The following STX7 variants were observed in gnomAD, a reference collection of about 807,000 sequenced individuals.
The protein encoded by STX7 is syntaxin-7.
STX7 carries 34 observed loss-of-function variants against 39.6 expected under a neutral mutation model. The ratio of observed to expected loss-of-function variants is 0.86; its 90% CI spans 0.65 to 1.14. STX7 has a LOEUF of 1.14. Ranked by LOEUF, STX7 falls within the 50% of genes most tolerant of loss-of-function variation. STX7 has a pLI of 0.00. For missense variants in STX7, 284 were observed against 310.4 expected, an observed-to-expected ratio of 0.92 and a Z score of 0.64; for synonymous variants, 119 against 99.1, an observed-to-expected ratio of 1.20 and a Z score of -1.19.
At chr6:132,468,061 A>G (rs543494253) in intron 8 of STX7, among the ~76,000 whole-genome samples, 1 of 152,328 alleles carries the variant, frequency 6.6e-6, no homozygotes, top group East Asian at 1.9e-4. Context: ...AGTGCTTAGC[A>G]TGATGACAAA....
In STX7 at chr6:132,510,685, T is replaced by C. The variant is rs144902120; in HGVS notation, c.-59+2322A>G. On this transcript the variant is annotated intron_variant, in intron 1 of 9. Transcript: ENST00000367941. The stretch of plus-strand genomic sequence containing the variant: ...GCTCATTCATAGACCACTTCCATTA[T>C]CACAGAAAGATCTATTGCACAGTGC... Among the ~76,000 whole-genome samples the C allele has an allele frequency of 8.1e-4, 123 of 152,298 alleles. 1 individual carries two copies. Among genetic ancestry groups the C allele is most frequent in the African/African-American group, 2.6e-3 (110 of 41,568 alleles).
chr6:132,498,404 A>G (rs774456060), intron 2 of STX7, among the ~76,000 whole-genome samples: 11 of 152,162 alleles, frequency 7.2e-5, no homozygotes, highest in African/African-American at 2.7e-4. Flanking sequence ...AATATTTTTG[A>G]CTGCCATTTT....
chr6:132,509,562 T>A (rs77867885), intron 1 of STX7, among the ~76,000 whole-genome samples: 11,811 of 151,128 alleles, frequency 0.078, 670 homozygotes, highest in East Asian at 0.16. Flanking sequence ...CTTTTCTGCA[T>A]GCCCCATATG....
chr6:132,507,288 T>C (rs887147484), intron 1 of STX7, among the ~76,000 whole-genome samples: 1 of 152,226 alleles, frequency 6.6e-6, no homozygotes, highest in African/African-American at 2.4e-5. Flanking sequence ...CTTAAATTTA[T>C]ATAAATAAAA....
chr6:132,506,188 GA>G (rs142781671), intron 1 of STX7, among the ~76,000 whole-genome samples: 2,123 of 152,078 alleles, frequency 0.014, 52 homozygotes, highest in African/African-American at 0.049. Flanking sequence ...ATTGGTTTAG[GA>G]AAAGAATTTA....
At chr6:132,489,652 G>A (rs566055972) in intron 2 of STX7, among the ~76,000 whole-genome samples, 2 of 152,262 alleles carry the variant, frequency 1.3e-5, no homozygotes, top group East Asian at 1.9e-4. Flanking sequence ...GATGAGTCTC[G>A]AGGCTGGAAG....
chr6:132,465,804 A>G (rs919304536), intron 8 of STX7, among the ~76,000 whole-genome samples: 7 of 152,148 alleles, frequency 4.6e-5, no homozygotes, highest in African/African-American at 1.7e-4. Flanking sequence ...GAAGAACTAT[A>G]TACCCCGAGC....
intron 5 of STX7, among the ~76,000 whole-genome samples, chr6:132,471,247 T>C (rs540977836): frequency 6.6e-6 from 1 of 152,222 alleles, no homozygotes; most frequent in Non-Finnish European, 1.5e-5. Context: ...TACTCTGTAA[T>C]CTTCTGTACT....
At position 132,452,584 on chromosome 6, in the gene STX7, A is replaced by G. The variant is rs1235322771; in HGVS notation, c.*8174T>C. 6.6e-6 allele frequency: 1 copy of G among 152,196 alleles called. No individual in the cohort carries two copies. The highest frequency in any genetic ancestry group is 2.4e-5 in the African/African-American group (1 of 41,468). 9.4% of individuals were successfully genotyped at this position (152,196 alleles called of 1,614,324 possible). A position where few individuals can be genotyped will look rare whatever the true frequency, so the allele number is the denominator to read the frequency against. Reference sequence around the variant, plus strand: ...AAATTCACTTTATTTCTATGTACTTAGAATAGACATGTGAACAGGAAATTC... The same window carrying G: ...AAATTCACTTTATTTCTATGTACTTGGAATAGACATGTGAACAGGAAATTC... On this transcript the variant is annotated 3_prime_UTR_variant, in exon 10 of 10. Coordinates refer to ENST00000367941, the MANE Select transcript of STX7 (RefSeq NM_003569.3).
chr6:132,490,575 C>T (rs573538304), intron 2 of STX7, among the ~76,000 whole-genome samples: 1 of 152,064 alleles, frequency 6.6e-6, no homozygotes, highest in East Asian at 1.9e-4. Flanking sequence ...AAAACGTGTA[C>T]ATACGGCCAA....
chr6:132,472,150 A>C, intron 4 of STX7, 132 bp downstream of exon 4: 1 of 697,004 alleles, frequency 1.4e-6, no homozygotes, highest in Middle Eastern at 2.5e-4. Context: ...CTGTGAACTA[A>C]TCTCAAACAG....
At chr6:132,509,704 A>G (rs920354310) in intron 1 of STX7, among the ~76,000 whole-genome samples, 10 of 152,274 alleles carry the variant, frequency 6.6e-5, no homozygotes, top group Middle Eastern at 6.8e-3. Flanking sequence ...TCTAAAAGGC[A>G]ACAACAGTTG....
At position 132,453,917 on chromosome 6, in the gene STX7, T is replaced by C. The variant is rs1388839426; in HGVS notation, c.*6841A>G. The C allele has an allele frequency of 1.3e-5, 2 of 152,096 alleles. No individual in the cohort carries two copies. The highest frequency in any genetic ancestry group is 2.4e-5 in the African/African-American group (1 of 41,426). The allele number at this position is 152,096 out of a possible 1,614,324, so 9.4% of individuals were successfully genotyped here. ...CAACTACTATATGACCCAACTACTA[T>C]ATAACTGCTGGGCATTTGACCCAGA... On this transcript the variant is annotated 3_prime_UTR_variant, in exon 10 of 10. Transcript: ENST00000367941.
intron 1 of STX7, among the ~76,000 whole-genome samples, chr6:132,508,048 C>A (rs2114485838): frequency 6.6e-6 from 1 of 152,330 alleles, no homozygotes; most frequent in Non-Finnish European, 1.5e-5. Context: ...CATTTGGGCC[C>A]ACTGCCAGAA....
intron 2 of STX7, among the ~76,000 whole-genome samples, chr6:132,503,238 GC>G (rs1196887288): frequency 2.0e-5 from 3 of 152,224 alleles, no homozygotes; most frequent in African/African-American, 7.2e-5. Context: ...TATGTGCCTG[GC>G]CCTGACTTCC....
At chr6:132,497,538 T>G (rs1775447268) in intron 2 of STX7, among the ~76,000 whole-genome samples, 1 of 152,224 alleles carries the variant, frequency 6.6e-6, no homozygotes, top group Non-Finnish European at 1.5e-5. Context: ...AATGTATACA[T>G]TATACTTCCA....
chr6:132,471,203 CTT>C (rs1019016588), intron 5 of STX7, among the ~76,000 whole-genome samples: 2 of 152,140 alleles, frequency 1.3e-5, no homozygotes, highest in African/African-American at 2.4e-5. Context: ...GATCCCTAAT[CTT>C]TTTTGACAAA....
intron 1 of STX7, among the ~76,000 whole-genome samples, chr6:132,509,653 T>C (rs1775799859): frequency 1.3e-5 from 2 of 152,142 alleles, no homozygotes; most frequent in African/African-American, 2.4e-5. Context: ...CACAGAGGAA[T>C]AGCTTACTCC....
intron 1 of STX7, among the ~76,000 whole-genome samples, chr6:132,507,543 C>G (rs1358161100): frequency 6.6e-6 from 1 of 152,348 alleles, no homozygotes; most frequent in South Asian, 2.1e-4. Flanking sequence ...CTGGACATTT[C>G]ATAGGAATGG....
Sources: gnomAD v4.1 joint callset for allele counts (sites outside exome capture counted in the v4.1 genomes callset) on GRCh38, gnomAD v4.1.1 for gene constraint, MANE v1.5 for transcripts, NCBI Gene and HGNC (gene_info 2026-07-23, HGNC 2026-07-21) for gene names.